Variants in CDH23 observed in about 807,000 individuals in gnomAD.
CDH23 encodes cadherin-23.
CDH23 carries 189 observed loss-of-function variants against 317.1 expected under a neutral mutation model. The ratio of observed to expected loss-of-function variants is 0.60; its 90% CI spans 0.53 to 0.67. CDH23 has a LOEUF of 0.67. Among genes scored for constraint, CDH23 ranks in the 30% least tolerant of loss-of-function variants. CDH23 has a pLI of 0.00. For synonymous variants in CDH23, 1,839 were observed against 1,876.8 expected (o/e 0.98, Z 0.52); for missense variants, 4,401 against 4,592.4 (o/e 0.96, Z 1.20).
intron 11 of CDH23, among the ~76,000 whole-genome samples, chr10:71,617,852 C>T (rs1403943188): frequency 2.6e-5 from 4 of 151,898 alleles, no homozygotes; most frequent in Admixed American, 6.6e-5. Flanking sequence ...ATTAGCCGGG[C>T]GTGGTGGCGG....
Position 71,740,900 on chromosome 10 carries a change from A to G in CDH23, c.4567A>G (p.Asn1523Asp), listed in dbSNP as rs747906567. 6.2e-7 allele frequency: 1 copy of G among 1,613,984 alleles called. No homozygotes were observed. Among genetic ancestry groups the G allele is most frequent in the East Asian group, 2.2e-5 (1 of 44,884 alleles). The change falls in exon 37 of 70, where the codon AAC (asparagine) becomes GAC (aspartate). Residue 1523 changes from asparagine to aspartate, a missense_variant. Transcript: ENST00000224721. Reference sequence around the variant, plus strand: ...GGTGACCATCCTGGACATCAATGACAACCCTCCAGTCATCGAGAGCCCCTT... The same window carrying G: ...GGTGACCATCCTGGACATCAATGACGACCCTCCAGTCATCGAGAGCCCCTT... ...LQVTILDIND[N>D]PPVIESPFGY... is the part of the protein sequence containing the mutation.
In CDH23 at chr10:71,799,530, C is replaced by T; in HGVS notation, c.7263C>T (p.Ile2421=). 1 of 1,614,072 alleles carries T rather than the reference C, an allele frequency of 6.2e-7. No homozygotes were observed. Among genetic ancestry groups the T allele is most frequent in the Non-Finnish European group, 8.5e-7 (1 of 1,179,912 alleles). ...AGGATGTGCCTGTGGGCACAATCAT[C>T]CTGACAGTCACTGCCACTGATGCTG... ...VFEDVPVGTI[I]LTVTATDADS... is the part of the protein sequence containing the mutation. Residue 2421 remains isoleucine (I), a synonymous_variant, in exon 52 of 70, where the codon ATC becomes ATT. Transcript: ENST00000224721.
At chr10:71,779,474 C>T (rs1451108282) in intron 41 of CDH23, 27 bp downstream of exon 41, 1 of 1,570,136 alleles carries the variant, frequency 6.4e-7, no homozygotes, top group South Asian at 1.2e-5. Flanking sequence ...GCATGCCACC[C>T]ACAGGGTCTC....
chr10:71,722,264 G>C (rs1261817716), intron 28 of CDH23, among the ~76,000 whole-genome samples: 1 of 152,170 alleles, frequency 6.6e-6, no homozygotes, highest in Non-Finnish European at 1.5e-5. Flanking sequence ...AATATAGCAA[G>C]ACCCTGTCTC....
intron 18 of CDH23, among the ~76,000 whole-genome samples, chr10:71,684,109 AC>A (rs1407587998): frequency 5.2e-5 from 2 of 38,712 alleles, no homozygotes; most frequent in African/African-American, 1.2e-4. Context: ...ACAAACAACA[AC>A]AAAAAAAAAC....
intron 3 of CDH23, among the ~76,000 whole-genome samples, chr10:71,476,161 G>A (rs1240736664): frequency 6.6e-6 from 1 of 152,150 alleles, no homozygotes; most frequent in Non-Finnish European, 1.5e-5. Flanking sequence ...TGCAAGGGGA[G>A]TTTTCCTTCC....
intron 3 of CDH23, among the ~76,000 whole-genome samples, chr10:71,490,638 G>A (rs1368454628): frequency 6.6e-6 from 1 of 152,240 alleles, no homozygotes; most frequent in East Asian, 1.9e-4. Flanking sequence ...ATTAGGGACA[G>A]CCAGGGCCTG....
intron 38 of CDH23, chr10:71,760,561 A>T: frequency 3.4e-6 from 1 of 290,166 alleles, no homozygotes; most frequent in South Asian, 6.9e-5. Flanking sequence ...GCAGGGCGGC[A>T]CTTAGCTGCC....
At chr10:71,452,320 G>A (rs1226070539) in intron 3 of CDH23, among the ~76,000 whole-genome samples, 1 of 152,144 alleles carries the variant, frequency 6.6e-6, no homozygotes, top group African/African-American at 2.4e-5. Context: ...AGGGGGGCAG[G>A]GTTCCTGCCA....
At chr10:71,402,427 G>C (rs1012298250) in intron 1 of CDH23, among the ~76,000 whole-genome samples, 55 of 152,292 alleles carry the variant, frequency 3.6e-4, no homozygotes, top group African/African-American at 1.1e-3. Context: ...TCTTCCACTA[G>C]AGCTCTGAAG....
intron 1 of CDH23, among the ~76,000 whole-genome samples, chr10:71,436,253 G>A (rs1849613277): frequency 6.6e-6 from 1 of 152,268 alleles, no homozygotes; most frequent in Non-Finnish European, 1.5e-5. Context: ...CACTGAGGCA[G>A]TCTGATCGCC....
At chr10:71,773,525 G>GCGAGC in intron 38 of CDH23, 1 of 1,327,282 alleles carries the variant, frequency 7.5e-7, no homozygotes, top group Non-Finnish European at 1.0e-6. Flanking sequence ...GCGACTGAGT[G>GCGAGC]CGAGCGAGTG....
chr10:71,553,899 T>G (rs1856738408), intron 6 of CDH23, among the ~76,000 whole-genome samples: 1 of 152,084 alleles, frequency 6.6e-6, no homozygotes, highest in African/African-American at 2.4e-5. Flanking sequence ...CCCCAGAGGG[T>G]TCCCTGGGAG....
In CDH23 at chr10:71,627,827, C is replaced by A. The variant is rs558628876; in HGVS notation, c.1134+10434C>A. 2.0e-5 allele frequency among the ~76,000 whole-genome samples: 3 copies of A among 152,350 alleles called. No individual in the cohort carries two copies. In the South Asian group the frequency reaches 6.2e-4, roughly 32 times the overall value. The stretch of plus-strand genomic sequence containing the variant: ...GTGAGAATCATTTTACCCATGGAGT[C>A]ATGCTCCCTCAAAGCAGTGGCGGGG... On this transcript the variant is annotated intron_variant, in intron 11 of 69. Transcript: ENST00000224721.
At chr10:71,679,858 C>A (rs1864540898) in intron 17 of CDH23, among the ~76,000 whole-genome samples, 1 of 152,188 alleles carries the variant, frequency 6.6e-6, no homozygotes, top group Non-Finnish European at 1.5e-5. Flanking sequence ...TTTGGGCGGC[C>A]GTGTGGGACC....
chr10:71,629,950 C>T (rs950584521), intron 11 of CDH23, among the ~76,000 whole-genome samples: 7 of 152,216 alleles, frequency 4.6e-5, no homozygotes, highest in South Asian at 4.2e-4. Context: ...CTGAATTGTT[C>T]GCTCTCAAAT....
intron 1 of CDH23, among the ~76,000 whole-genome samples, chr10:71,425,246 A>G (rs991989223): frequency 5.7e-4 from 40 of 70,304 alleles, no homozygotes; most frequent in African/African-American, 8.1e-4. Flanking sequence ...AGAGAGAGAG[A>G]GAGAGAGAGA....
At chr10:71,727,131 C>T (rs1171897210) in intron 30 of CDH23, among the ~76,000 whole-genome samples, 3 of 152,230 alleles carry the variant, frequency 2.0e-5, no homozygotes, top group African/African-American at 7.2e-5. Flanking sequence ...CTCCGTAACC[C>T]TCATAATAGC....
chr10:71,633,322 A>T (rs946719906), intron 11 of CDH23, among the ~76,000 whole-genome samples: 2 of 151,992 alleles, frequency 1.3e-5, no homozygotes, highest in African/African-American at 4.8e-5. Context: ...TCACACTCAC[A>T]CATGCACAGC....
Sources: allele counts gnomAD v4.1 joint callset (sites outside exome capture counted in the v4.1 genomes callset), GRCh38; gene constraint gnomAD v4.1.1; transcripts MANE v1.5; gene names NCBI Gene and HGNC (gene_info 2026-07-23, HGNC 2026-07-21).